ZNF644: variants seen among roughly 807,000 people sequenced by gnomAD.
ZNF644 encodes zinc finger motif enhancer binding protein 2.
Under a neutral mutation model 108.0 loss-of-function variants are expected in ZNF644, and 20 were observed. The ratio of observed to expected loss-of-function variants is 0.19; its 90% CI spans 0.13 to 0.27. The LOEUF is 0.27. Among genes scored for constraint, ZNF644 ranks in the 10% least tolerant of loss-of-function variants. ZNF644 has a pLI of 1.00. For missense variants in ZNF644, 1,338 were observed against 1,548.9 expected, an observed-to-expected ratio of 0.86 and a Z score of 2.29; for synonymous variants, 542 against 539.1, an observed-to-expected ratio of 1.01 and a Z score of -0.08.
chr1:90,939,211 C>T lies in ZNF644; in HGVS notation c.2143G>A (p.Val715Ile), dbSNP rs140071466. The stretch of plus-strand genomic sequence containing the variant: ...TGGAAATACTTAGGTTTTTGGTCAA[C>T]GCTGCTTTTAATTGTAACATTCTTA... ...PHKNVTIKSS[V>I]DQKPKYFHQA... is the part of the protein sequence containing the mutation. The change falls in exon 3 of 6, where the codon GTT (valine) becomes ATT (isoleucine). Residue 715 changes from valine (V) to isoleucine (I), a missense_variant. Coordinates refer to ENST00000337393, the MANE Select transcript of ZNF644 (RefSeq NM_201269.3). 160 of 1,613,884 alleles carry T rather than the reference C, an allele frequency of 9.9e-5. No individual in the cohort carries two copies. The African/African-American group carries it at 1.9e-3, about 19-fold the overall frequency.
chr1:90,975,390 A>T (rs1300019804), intron 2 of ZNF644, among the ~76,000 whole-genome samples: 2 of 151,808 alleles, frequency 1.3e-5, no homozygotes. Context: ...TACTGAGCCC[A>T]CGGGCTTCAG....
chr1:90,983,081 A>G (rs530470671), intron 1 of ZNF644, among the ~76,000 whole-genome samples: 29 of 152,262 alleles, frequency 1.9e-4, no homozygotes, highest in Admixed American at 1.8e-3. Context: ...CACACTCTAC[A>G]TATCTCCTCC....
At chr1:91,020,081 A>G (rs1191996649) in intron 1 of ZNF644, among the ~76,000 whole-genome samples, 2 of 152,146 alleles carry the variant, frequency 1.3e-5, no homozygotes, top group African/African-American at 4.8e-5. Context: ...CTGGTCCTCA[A>G]TATATTGTAA....
At chr1:90,977,945 T>C (rs1424408076) in intron 2 of ZNF644, among the ~76,000 whole-genome samples, 1 of 152,224 alleles carries the variant, frequency 6.6e-6, no homozygotes, top group Non-Finnish European at 1.5e-5. Context: ...TGGTAACTTA[T>C]GGGGAGTATA....
At chr1:90,942,679 C>T (rs1023268532) in intron 2 of ZNF644, among the ~76,000 whole-genome samples, 10 of 152,194 alleles carry the variant, frequency 6.6e-5, no homozygotes, top group African/African-American at 2.4e-4. Flanking sequence ...CCCATTCAAA[C>T]ACAAGTTCCA....
chr1:90,928,733 ATCT>A (rs915163087), intron 4 of ZNF644, among the ~76,000 whole-genome samples: 4 of 152,140 alleles, frequency 2.6e-5, no homozygotes, highest in African/African-American at 7.2e-5. Context: ...CTGTAACCAA[ATCT>A]TCTGACACTT....
intron 2 of ZNF644, among the ~76,000 whole-genome samples, chr1:90,969,328 C>T (rs1192869264): frequency 6.6e-6 from 1 of 152,164 alleles, no homozygotes; most frequent in African/African-American, 2.4e-5. Context: ...AGCCTGCAAA[C>T]ATCTTGATCC....
chr1:90,992,718 T>C (rs1350790400), intron 1 of ZNF644, among the ~76,000 whole-genome samples: 2 of 152,304 alleles, frequency 1.3e-5, no homozygotes, highest in East Asian at 3.9e-4. Context: ...TCGTTATCCA[T>C]GTATTTGGCA....
At chr1:91,005,392 A>C (rs902324728) in intron 1 of ZNF644, among the ~76,000 whole-genome samples, 4 of 152,218 alleles carry the variant, frequency 2.6e-5, no homozygotes, top group African/African-American at 9.6e-5. Context: ...AGAAACCTTA[A>C]TACTTCACAT....
chr1:90,927,726 T>G (rs1166121529), intron 4 of ZNF644, among the ~76,000 whole-genome samples: 1 of 152,126 alleles, frequency 6.6e-6, no homozygotes, highest in African/African-American at 2.4e-5. Flanking sequence ...AGACCCATCT[T>G]TTCTCTGTCT....
chr1:90,920,799 T>C (rs1187322011), intron 4 of ZNF644, among the ~76,000 whole-genome samples: 1 of 152,030 alleles, frequency 6.6e-6, no homozygotes, highest in Non-Finnish European at 1.5e-5. Context: ...CCCTAGAAAC[T>C]TATTCACAAA....
At chr1:90,997,397 T>G (rs541713045) in intron 1 of ZNF644, among the ~76,000 whole-genome samples, 1 of 152,252 alleles carries the variant, frequency 6.6e-6, no homozygotes, top group African/African-American at 2.4e-5. Context: ...GAGATTTCAG[T>G]GCCCATATGT....
chr1:90,983,767 A>T lies in ZNF644; in HGVS notation c.-17-1397T>A, dbSNP rs183730157. ...CATGGTGAAACCCCGTCTCTACTAA[A>T]AATACAAAAGTTAGCTGGGCGTGGT... is the stretch of plus-strand genomic sequence containing the variant. On this transcript the variant is annotated intron_variant, in intron 1 of 5. Coordinates refer to ENST00000337393, the MANE Select transcript of ZNF644 (RefSeq NM_201269.3). 1.2e-4 allele frequency among the ~76,000 whole-genome samples: 19 copies of T among 152,300 alleles called. No homozygotes were observed. In the East Asian group the frequency reaches 3.7e-3, roughly 29 times the overall value.
At chr1:90,983,779 T>C (rs1656816301) in intron 1 of ZNF644, among the ~76,000 whole-genome samples, 1 of 152,066 alleles carries the variant, frequency 6.6e-6, no homozygotes, top group Non-Finnish European at 1.5e-5. Context: ...ATACAAAAGT[T>C]AGCTGGGCGT....
chr1:91,006,360 G>C (rs888296175), intron 1 of ZNF644, among the ~76,000 whole-genome samples: 4 of 152,172 alleles, frequency 2.6e-5, no homozygotes, highest in Admixed American at 2.0e-4. Context: ...AGTGAGCCAA[G>C]ACTGTGCCAT....
rs1371772870 is a variant in ZNF644 at position 90,979,540 on chromosome 1, T to G, written c.44+2770A>C. On this transcript the variant is annotated intron_variant, in intron 2 of 5. Coordinates refer to ENST00000337393, the MANE Select transcript of ZNF644 (RefSeq NM_201269.3). ...TTACATATCTACAATTTAAAAAAAT[T>G]TAAGTACCTTTAAACAAATAGCAAG... Among the ~76,000 whole-genome samples, 5 of 152,184 alleles carry G rather than the reference T, an allele frequency of 3.3e-5. No homozygotes were observed. The East Asian group carries it at 5.8e-4, about 18-fold the overall frequency.
At chr1:90,973,940 C>T (rs1320050757) in intron 2 of ZNF644, among the ~76,000 whole-genome samples, 2 of 152,066 alleles carry the variant, frequency 1.3e-5, no homozygotes, top group African/African-American at 4.8e-5. Flanking sequence ...TCTCTTCTGA[C>T]TTTCTCATTT....
chr1:90,987,103 T>C (rs1657177144), intron 1 of ZNF644, among the ~76,000 whole-genome samples: 1 of 149,068 alleles, frequency 6.7e-6, no homozygotes, highest in Non-Finnish European at 1.5e-5. Context: ...CCTAACTTTA[T>C]ATCTCAAGGA....
chr1:90,924,997 C>G (rs1008352164), intron 4 of ZNF644, among the ~76,000 whole-genome samples: 1 of 152,132 alleles, frequency 6.6e-6, no homozygotes, highest in African/African-American at 2.4e-5. Context: ...AAAACATTAC[C>G]TAAAATTTAG....
Sources: gnomAD v4.1 joint callset for allele counts (sites outside exome capture counted in the v4.1 genomes callset) on GRCh38, gnomAD v4.1.1 for gene constraint, MANE v1.5 for transcripts, NCBI Gene and HGNC (gene_info 2026-07-23, HGNC 2026-07-21) for gene names.